C5orf46: variants seen among roughly 807,000 people sequenced by gnomAD.
The protein encoded by C5orf46 is uncharacterized protein C5orf46.
A neutral mutation model predicts 8.9 loss-of-function variants in C5orf46; 9 were observed. The observed-to-expected ratio is 1.01, with a 90% CI of 0.61 to 1.76. The LOEUF (loss-of-function observed/expected upper bound fraction) is 1.76, where lower values mean the gene tolerates loss of function less well. Ranked by LOEUF, C5orf46 falls within the 40% of genes most tolerant of loss-of-function variation. C5orf46 has a pLI of 0.00. For synonymous variants in C5orf46, 47 were observed against 41.4 expected (o/e 1.14, Z -0.52); for missense variants, 98 against 107.8 (o/e 0.91, Z 0.40).
chr5:147,888,804 T>C (rs555856707), downstream of C5orf46, among the ~76,000 whole-genome samples: 1 of 152,340 alleles, frequency 6.6e-6, no homozygotes, highest in South Asian at 2.1e-4. Context: ...GATTGTTCAG[T>C]ATTTAAATTG....
At chr5:147,898,089 A>C (rs1157674318) in intron 2 of C5orf46, among the ~76,000 whole-genome samples, 1 of 152,106 alleles carries the variant, frequency 6.6e-6, no homozygotes, top group African/African-American at 2.4e-5. Context: ...AATTTTTTTG[A>C]TATAAAGTTC....
At chr5:147,901,042 G>A (rs1270057190) in intron 2 of C5orf46, among the ~76,000 whole-genome samples, 2 of 152,188 alleles carry the variant, frequency 1.3e-5, no homozygotes, top group Non-Finnish European at 2.9e-5. Context: ...CAACACTCAT[G>A]TTGAGAGGTT....
At chr5:147,898,389 AT>A (rs1367823224) in intron 2 of C5orf46, among the ~76,000 whole-genome samples, 4 of 152,122 alleles carry the variant, frequency 2.6e-5, no homozygotes, top group Non-Finnish European at 4.4e-5. Context: ...AGATTTCTGG[AT>A]TCTGGGTGGA....
At chr5:147,886,602 G>C (rs1465903378) in intron 2 of C5orf46, 1 of 150,856 alleles carries the variant, frequency 6.6e-6, no homozygotes, top group Admixed American at 6.6e-5. Context: ...GGAAACCACT[G>C]TTCACATTGA....
At chr5:147,903,609 A>G (rs184024813) in intron 1 of C5orf46, among the ~76,000 whole-genome samples, 24 of 152,312 alleles carry the variant, frequency 1.6e-4, no homozygotes, top group Middle Eastern at 3.4e-3. Flanking sequence ...ATGAGCATTT[A>G]TTGTTTACTA....
chr5:147,900,074 G>T (rs1329728392), intron 2 of C5orf46, among the ~76,000 whole-genome samples: 1 of 152,208 alleles, frequency 6.6e-6, no homozygotes, highest in East Asian at 1.9e-4. Context: ...AACTCTTAGT[G>T]TTCTAACTCC....
At chr5:147,898,375 C>T (rs1004344602) in intron 2 of C5orf46, among the ~76,000 whole-genome samples, 13 of 151,820 alleles carry the variant, frequency 8.6e-5, no homozygotes, top group African/African-American at 3.1e-4. Flanking sequence ...TTGAGAAGAT[C>T]CTTAGATTTC....
At chr5:147,901,411 G>T in intron 2 of C5orf46, 3 of 398,148 alleles carry the variant, frequency 7.5e-6, no homozygotes, top group Non-Finnish European at 1.3e-5. Flanking sequence ...AATCCTGTAT[G>T]GAACCACTTG....
intron 2 of C5orf46, chr5:147,887,156 A>G (rs940527287): frequency 1.3e-5 from 2 of 152,190 alleles, no homozygotes; most frequent in African/African-American, 4.8e-5. Context: ...TATTTGCTAC[A>G]TTATTTTTTA....
At chr5:147,903,176 T>C (rs577868916) in intron 1 of C5orf46, among the ~76,000 whole-genome samples, 100 of 152,320 alleles carry the variant, frequency 6.6e-4, no homozygotes, top group African/African-American at 2.3e-3. Context: ...CTCTGAGCCC[T>C]GGTCACAGGA....
chr5:147,888,975 G>C (rs893705200), downstream of C5orf46, among the ~76,000 whole-genome samples: 2 of 151,986 alleles, frequency 1.3e-5, no homozygotes, highest in East Asian at 1.9e-4. Flanking sequence ...CATTTTGAAG[G>C]CTTTTTCACA....
At chr5:147,893,240 T>G (rs1757528580) in intron 3 of C5orf46, among the ~76,000 whole-genome samples, 1 of 150,400 alleles carries the variant, frequency 6.6e-6, no homozygotes, top group South Asian at 2.1e-4. Context: ...AGTTTCTGGA[T>G]AGATAGGTGA....
downstream of C5orf46, among the ~76,000 whole-genome samples, chr5:147,889,614 C>T (rs987660964): frequency 2.0e-5 from 3 of 152,034 alleles, no homozygotes; most frequent in African/African-American, 7.2e-5. Flanking sequence ...TGTAACAAAC[C>T]TGCATGTCCT....
At chr5:147,902,229 A>T (rs1056823981) in intron 1 of C5orf46, among the ~76,000 whole-genome samples, 1 of 152,162 alleles carries the variant, frequency 6.6e-6, no homozygotes, top group African/African-American at 2.4e-5. Flanking sequence ...AGATGGGAGA[A>T]TTGCTTGAGG....
downstream of C5orf46, among the ~76,000 whole-genome samples, chr5:147,888,765 TG>T (rs1489681291): frequency 4.6e-5 from 7 of 152,228 alleles, no homozygotes; most frequent in Non-Finnish European, 1.0e-4. Context: ...GATGATTTTT[TG>T]TATCTCCCAC....
intron 1 of C5orf46, among the ~76,000 whole-genome samples, chr5:147,902,280 C>T (rs1443702302): frequency 6.6e-6 from 1 of 151,954 alleles, no homozygotes; most frequent in Non-Finnish European, 1.5e-5. Context: ...AGTGAGACTT[C>T]CATCTCTACA....
Position 147,893,854 on chromosome 5 carries a change from C to A in C5orf46, c.*10-915G>T, listed in dbSNP as rs184721113. Among the ~76,000 whole-genome samples, 546 of 152,082 alleles carry A rather than the reference C, an allele frequency of 3.6e-3. 4 individuals are homozygous for A. The highest frequency in any genetic ancestry group is 0.013 in the African/African-American group (527 of 41,472). Reference sequence around the variant, plus strand: ...AATGGCATGAGGCACTATGCCCAGCCATCACATAAATCTTATAAGCAGAAA... The same window carrying A: ...AATGGCATGAGGCACTATGCCCAGCAATCACATAAATCTTATAAGCAGAAA... On this transcript the variant is annotated intron_variant, in intron 3 of 3. Coordinates refer to ENST00000318315, the MANE Select transcript of C5orf46 (RefSeq NM_206966.3).
intron 1 of C5orf46, among the ~76,000 whole-genome samples, chr5:147,905,950 A>G (rs1015122254): frequency 2.0e-5 from 3 of 152,162 alleles, no homozygotes; most frequent in African/African-American, 7.2e-5. Flanking sequence ...AATTTGTTTC[A>G]TTCCTTTTAT....
chr5:147,897,731 G>T (rs553095437), intron 2 of C5orf46, among the ~76,000 whole-genome samples: 1 of 152,328 alleles, frequency 6.6e-6, no homozygotes, highest in South Asian at 2.1e-4. Context: ...AATTTCTGAT[G>T]TTAAGTGTCT....
Sources: allele counts gnomAD v4.1 joint callset (sites outside exome capture counted in the v4.1 genomes callset), GRCh38; gene constraint gnomAD v4.1.1; transcripts MANE v1.5; gene names NCBI Gene and HGNC (gene_info 2026-07-23, HGNC 2026-07-21).